Variants in ATP23 observed in about 807,000 individuals in gnomAD.
ATP23 encodes mitochondrial inner membrane protease ATP23 homolog.
Under a neutral mutation model 28.5 loss-of-function variants are expected in ATP23, and 24 were observed. The observed-to-expected ratio is 0.84, with a 90% CI of 0.61 to 1.18. The LOEUF (loss-of-function observed/expected upper bound fraction) is 1.18. Ranked by LOEUF, ATP23 falls within the 50% of genes most tolerant of loss-of-function variation. The pLI is 0.00. For missense variants in ATP23, 274 were observed against 306.4 expected (o/e 0.89, Z 0.79); for synonymous variants, 99 against 108.6 (o/e 0.91, Z 0.55).
At chr12:57,947,117 C>T (rs758982634) in intron 3 of ATP23, 41 bp downstream of exon 3, 6 of 1,578,458 alleles carry the variant, frequency 3.8e-6, no homozygotes, top group Non-Finnish European at 5.2e-6. Context: ...CTTTAATCCT[C>T]TCTCTTTATA....
chr12:57,945,822 C>T (rs1055209665), intron 2 of ATP23, 149 bp downstream of exon 2: 36 of 675,526 alleles, frequency 5.3e-5, no homozygotes, highest in East Asian at 8.3e-5. Flanking sequence ...GCATTGTCTC[C>T]GGGCTGGCCT....
chr12:57,953,925 T>C (rs12319761), intron 5 of ATP23, among the ~76,000 whole-genome samples: 1,711 of 152,220 alleles, frequency 0.011, 38 homozygotes, highest in African/African-American at 0.039. Flanking sequence ...AGAGGCCTGG[T>C]GCGGTGGCTT....
chr12:57,956,715 C>G lies in ATP23; in HGVS notation c.566C>G (p.Ser189Cys). 3 of 1,613,658 alleles carry G rather than the reference C, an allele frequency of 1.9e-6. No individual in the cohort carries two copies. The highest frequency in any genetic ancestry group is 2.5e-6 in the Non-Finnish European group (3 of 1,179,820). ...QTCVRDRATLSILAVRNISKE... is the reference protein window; with the variant it reads ...QTCVRDRATLCILAVRNISKE... Reference sequence around the variant, plus strand: ...TGTGTGCGAGACAGAGCCACTCTTTCTATCCTGGCTGTTAGGAATATCAGC... The same window carrying G: ...TGTGTGCGAGACAGAGCCACTCTTTGTATCCTGGCTGTTAGGAATATCAGC... The change falls in exon 6 of 6, where the codon TCT becomes TGT. Residue 189 changes from serine (S) to cysteine (C), a missense_variant. Transcript: ENST00000300145.
At position 57,953,704 on chromosome 12, in the gene ATP23, G is replaced by T. The variant is rs770754068; in HGVS notation, c.537+15G>T. ...AACACCACCAGGTAAAAACTAATATGAAATCACTTCCCCTCCAGAGTGTTA... is the reference window on the plus strand; with the variant it reads ...AACACCACCAGGTAAAAACTAATATTAAATCACTTCCCCTCCAGAGTGTTA... On this transcript the variant is annotated intron_variant, in intron 5 of 5. Coordinates refer to ENST00000300145, the MANE Select transcript of ATP23 (RefSeq NM_033276.4). The T allele has an allele frequency of 6.3e-7, 1 of 1,590,758 alleles. No homozygotes were observed. Among genetic ancestry groups the T allele is most frequent in the African/African-American group, 1.3e-5 (1 of 74,354 alleles).
At chr12:57,946,446 ATTTTTTT>A (rs369316315) in intron 2 of ATP23, among the ~76,000 whole-genome samples, 23 of 104,032 alleles carry the variant, frequency 2.2e-4, no homozygotes, top group Middle Eastern at 0.013. Context: ...AGTTGAACAA[ATTTTTTT>A]TTTTTTTTTT....
At chr12:57,944,247 G>A (rs1356353058) in intron 1 of ATP23, among the ~76,000 whole-genome samples, 1 of 152,070 alleles carries the variant, frequency 6.6e-6, no homozygotes, top group African/African-American at 2.4e-5. Flanking sequence ...GGTTGGTAAA[G>A]CAGTAACCTA....
Position 57,947,049 on chromosome 12 carries a change from T to C in ATP23, c.288T>C (p.Ser96=). Residue 96 remains serine, a synonymous_variant, in exon 3 of 6, where the codon AGT becomes AGC. Coordinates refer to ENST00000300145, the MANE Select transcript of ATP23 (RefSeq NM_033276.4). ...FSCEDCNGNV[S]GGFDASTSQI... is the part of the protein sequence containing the mutation. ...GCGAAGACTGTAATGGAAATGTCAG[T>C]GGAGGTTTTGATGCTTCAACATCTC... 6.2e-7 allele frequency: 1 copy of C among 1,614,114 alleles called. No homozygotes were observed. Among genetic ancestry groups the C allele is most frequent in the South Asian group, 1.1e-5 (1 of 91,068 alleles).
At chr12:57,949,296 C>A (rs1312483171) in intron 3 of ATP23, among the ~76,000 whole-genome samples, 2 of 152,084 alleles carry the variant, frequency 1.3e-5, no homozygotes, top group Non-Finnish European at 2.9e-5. Context: ...AGCTTACCTT[C>A]CTCTACTAGC....
intron 5 of ATP23, among the ~76,000 whole-genome samples, chr12:57,954,143 C>T (rs1459487653): frequency 2.1e-5 from 3 of 141,194 alleles, no homozygotes; most frequent in Admixed American, 1.5e-4. Flanking sequence ...TGCAGTGAGC[C>T]GAGATCATGC....
chr12:57,956,793 A>G lies in ATP23; in HGVS notation c.644A>G (p.Asp215Gly), dbSNP rs1462744313. 6.2e-7 allele frequency: 1 copy of G among 1,613,986 alleles called. No individual in the cohort carries two copies. Among genetic ancestry groups the G allele is most frequent in the Non-Finnish European group, 8.5e-7 (1 of 1,179,946 alleles). ...VDEVFESCFN[D>G]HEPFGRIPHN... ...GAAGTTTTTGAATCTTGTTTCAATG[A>G]CCATGAACCTTTTGGAAGGATCCCA... The change falls in exon 6 of 6, where the codon GAC becomes GGC. Residue 215 changes from aspartate to glycine, a missense_variant. Transcript: ENST00000300145.
intron 1 of ATP23, among the ~76,000 whole-genome samples, chr12:57,944,188 C>A (rs537900126): frequency 6.6e-6 from 1 of 151,768 alleles, no homozygotes; most frequent in Non-Finnish European, 1.5e-5. Flanking sequence ...CTCAATAATA[C>A]GTATTGTTAA....
chr12:57,952,039 T>G, intron 4 of ATP23, 144 bp downstream of exon 4: 1 of 980,986 alleles, frequency 1.0e-6, no homozygotes, highest in Non-Finnish European at 1.5e-6. Flanking sequence ...TTGAATACCA[T>G]TTTTGATATA....
intron 4 of ATP23, among the ~76,000 whole-genome samples, chr12:57,953,115 G>A (rs888842368): frequency 4.6e-5 from 7 of 152,264 alleles, no homozygotes; most frequent in Middle Eastern, 3.4e-3. Context: ...AGGGAGATTC[G>A]GGCAAGGGTT....
intron 3 of ATP23, among the ~76,000 whole-genome samples, chr12:57,948,562 C>T (rs748880724): frequency 2.0e-5 from 3 of 152,158 alleles, no homozygotes; most frequent in Admixed American, 6.5e-5. Flanking sequence ...GGATTACAGG[C>T]GTGAGCCACT....
intron 1 of ATP23, among the ~76,000 whole-genome samples, chr12:57,943,386 T>C (rs546174689): frequency 4.6e-5 from 7 of 152,096 alleles, no homozygotes; most frequent in Non-Finnish European, 7.4e-5. Flanking sequence ...TTGTGAAGAA[T>C]AGATTTTATG....
chr12:57,948,316 T>C (rs1956781837), intron 3 of ATP23, among the ~76,000 whole-genome samples: 1 of 152,172 alleles, frequency 6.6e-6, no homozygotes, highest in South Asian at 2.1e-4. Context: ...AGAGTCTTAC[T>C]CTGTCACCCA....
At position 57,957,013 on chromosome 12, in the gene ATP23, T is replaced by C; in HGVS notation, c.*123T>C. ...ACAATCCAGATAAAACAGAGAAGAC[T>C]GTGATTCTAGCATATTATCAGAAAA... On this transcript the variant is annotated 3_prime_UTR_variant, in exon 6 of 6. Coordinates refer to ENST00000300145, the MANE Select transcript of ATP23 (RefSeq NM_033276.4). 1.3e-6 allele frequency: 1 copy of C among 756,498 alleles called. No homozygotes were observed. 46.9% of individuals were successfully genotyped at this position (756,498 alleles called of 1,614,324 possible).
Position 57,958,487 on chromosome 12 carries a change from C to A in ATP23, c.*1597C>A, listed in dbSNP as rs1475151875. On this transcript the variant is annotated 3_prime_UTR_variant, in exon 6 of 6. Transcript: ENST00000300145. The stretch of plus-strand genomic sequence containing the variant: ...GAACCCTCATGGAGTCCATTGCACC[C>A]CCCCTGCCACCTCCACTGGAACAGG... 2.0e-5 allele frequency among the ~76,000 whole-genome samples: 3 copies of A among 152,164 alleles called. No homozygotes were observed. Among genetic ancestry groups the A allele is most frequent in the African/African-American group, 7.2e-5 (3 of 41,420 alleles).
intron 3 of ATP23, among the ~76,000 whole-genome samples, chr12:57,950,071 C>T (rs939873648): frequency 6.6e-6 from 1 of 152,234 alleles, no homozygotes; most frequent in African/African-American, 2.4e-5. Flanking sequence ...GCTGTTCTCT[C>T]TTGCCTAGAA....
Sources: gnomAD v4.1 joint callset for allele counts (sites outside exome capture counted in the v4.1 genomes callset) on GRCh38, gnomAD v4.1.1 for gene constraint, MANE v1.5 for transcripts, NCBI Gene and HGNC (gene_info 2026-07-23, HGNC 2026-07-21) for gene names.